The following LDLRAD4 variants were observed in gnomAD, a reference collection of about 807,000 sequenced individuals.
The protein encoded by LDLRAD4 is low density lipoprotein receptor class A domain containing 4.
In LDLRAD4, 5 loss-of-function variants were observed where a neutral mutation model predicts 17.0. That is an observed-to-expected ratio of 0.29 (90% CI 0.15 to 0.62). The LOEUF (loss-of-function observed/expected upper bound fraction) is 0.62, where lower values mean the gene tolerates loss of function less well. LDLRAD4 is among the 20% of genes least tolerant of loss of function. The pLI is 0.84. For synonymous variants in LDLRAD4, 168 were observed against 171.8 expected (o/e 0.98, Z 0.17); for missense variants, 340 against 424.7 (o/e 0.80, Z 1.75).
chr18:13,536,977 T>C (rs1316736691), intron 3 of LDLRAD4, among the ~76,000 whole-genome samples: 2 of 152,232 alleles, frequency 1.3e-5, no homozygotes, highest in Admixed American at 6.5e-5. Context: ...TAAATCCCAT[T>C]TGGCCATGAT....
intron 3 of LDLRAD4, among the ~76,000 whole-genome samples, chr18:13,481,894 C>G (rs560788874): frequency 2.0e-5 from 3 of 152,008 alleles, no homozygotes; most frequent in Non-Finnish European, 2.9e-5. Context: ...GTGGAGTTTG[C>G]TGGGCAGGAG....
chr18:13,269,454 G>T (rs919902350), intron 1 of LDLRAD4, among the ~76,000 whole-genome samples: 1 of 152,204 alleles, frequency 6.6e-6, no homozygotes, highest in Admixed American at 6.5e-5. Context: ...CTGAACTAGT[G>T]CTCTGATGAG....
rs886226694 is a variant in LDLRAD4 at position 13,257,919 on chromosome 18, A to T, written c.-466-20186A>T. 1.4e-4 allele frequency among the ~76,000 whole-genome samples: 21 copies of T among 152,306 alleles called. 1 individual carries two copies. In the South Asian group the frequency reaches 2.1e-3, roughly 15 times the overall value. On this transcript the variant is annotated intron_variant, in intron 1 of 5. Transcript: ENST00000399848. ...ATGGTAAAGATGAGAAAAGGATACAATGGGGCTGGGTGCAGTGGCTTAGGC... is the reference window on the plus strand; with the variant it reads ...ATGGTAAAGATGAGAAAAGGATACATTGGGGCTGGGTGCAGTGGCTTAGGC...
Position 13,645,705 on chromosome 18 carries a change from G to A in LDLRAD4, c.*48G>A. The A allele has an allele frequency of 7.0e-7, 1 of 1,437,144 alleles. No homozygotes were observed. The highest frequency in any genetic ancestry group is 1.5e-5 in the South Asian group (1 of 67,806). The allele number at this position is 1,437,144 out of a possible 1,614,324, so 89.0% of individuals were successfully genotyped here. The stretch of plus-strand genomic sequence containing the variant: ...CTGGAGAAAGAAACCAAGAAGGGAA[G>A]CGGCCGCTGGGCCCCTCCTGCGCAC... On this transcript the variant is annotated 3_prime_UTR_variant, in exon 6 of 6. Coordinates refer to ENST00000359446, the Ensembl canonical transcript of LDLRAD4. This position sits in a 1 kb window ranked among gnomAD's most constrained non-coding sequence, Gnocchi z 5.7.
chr18:13,288,200 A>G (rs570593108), intron 1 of LDLRAD4, among the ~76,000 whole-genome samples: 123 of 152,340 alleles, frequency 8.1e-4, no homozygotes, highest in Admixed American at 1.7e-3. Flanking sequence ...CTCTAGATAA[A>G]TGTGAGTTGA....
chr18:13,411,121 A>G (rs182764734), intron 2 of LDLRAD4, among the ~76,000 whole-genome samples: 1 of 152,212 alleles, frequency 6.6e-6, no homozygotes, highest in East Asian at 1.9e-4. Context: ...GTGTTGTGGC[A>G]TGCACCTGTA....
At position 13,341,256 on chromosome 18, in the gene LDLRAD4, AT is replaced by A. The variant is rs368318842; in HGVS notation, c.-382-46081del. On this transcript the variant is annotated intron_variant, in intron 1 of 5. Coordinates refer to ENST00000359446, the Ensembl canonical transcript of LDLRAD4. ...TATGAATTTTTGAATGGATTTTTCT[AT>A]TTTGCAAAAACCATTGTTGGAATTT... 3.6e-4 allele frequency among the ~76,000 whole-genome samples: 54 copies of A among 151,500 alleles called. No homozygotes were observed. In the East Asian group the frequency reaches 8.7e-3, roughly 24 times the overall value.
chr18:13,422,010 C>A (rs377155916), intron 2 of LDLRAD4, among the ~76,000 whole-genome samples: 1 of 152,234 alleles, frequency 6.6e-6, no homozygotes, highest in South Asian at 2.1e-4. Context: ...ACACCAGTTA[C>A]GGAACTCCCC....
intron 3 of LDLRAD4, among the ~76,000 whole-genome samples, chr18:13,599,636 G>A (rs1177224341): frequency 2.6e-5 from 4 of 151,734 alleles, no homozygotes; most frequent in South Asian, 2.1e-4. Context: ...GACTACAGGC[G>A]CCCGCCACCA....
At chr18:13,509,952 A>G (rs1485155333) in intron 3 of LDLRAD4, among the ~76,000 whole-genome samples, 3 of 152,210 alleles carry the variant, frequency 2.0e-5, no homozygotes, top group Non-Finnish European at 4.4e-5. Context: ...GATTTAAGGT[A>G]TGTACCTTTT....
chr18:13,637,502 G>A (rs948430832), intron 4 of LDLRAD4, among the ~76,000 whole-genome samples: 1 of 151,728 alleles, frequency 6.6e-6, no homozygotes. Context: ...CACCACCTTT[G>A]GAATACTGTT....
At chr18:13,420,602 G>A (rs370560139) in intron 2 of LDLRAD4, 3 of 152,332 alleles carry the variant, frequency 2.0e-5, no homozygotes, top group East Asian at 1.9e-4. Context: ...CATTTATTTT[G>A]TAGTGGAATC....
chr18:13,417,713 C>T (rs538813700), intron 2 of LDLRAD4, among the ~76,000 whole-genome samples: 21 of 152,314 alleles, frequency 1.4e-4, no homozygotes, highest in Admixed American at 5.9e-4. Flanking sequence ...GGATTACAGG[C>T]GTGAGCCACC....
In LDLRAD4 at chr18:13,458,784, A is replaced by G. The variant is rs140171580; in HGVS notation, c.181+20400A>G. 9.9e-3 allele frequency among the ~76,000 whole-genome samples: 1,511 copies of G among 152,348 alleles called. 26 individuals carry two copies. The highest frequency in any genetic ancestry group is 0.034 in the African/African-American group (1,434 of 41,570). On this transcript the variant is annotated intron_variant, in intron 3 of 5. Transcript: ENST00000359446. The stretch of plus-strand genomic sequence containing the variant: ...GCTGTGCTCAGAACCAGAGGTGACC[A>G]CCAAAGAGAGATCAGAGCCATGCCA...
chr18:13,382,025 G>A (rs547058099), intron 1 of LDLRAD4, among the ~76,000 whole-genome samples: 1 of 152,358 alleles, frequency 6.6e-6, no homozygotes, highest in East Asian at 1.9e-4. Flanking sequence ...TCGGCCCTGA[G>A]CGTCTGTGGG....
intron 1 of LDLRAD4, among the ~76,000 whole-genome samples, chr18:13,310,944 C>T (rs1015121377): frequency 2.0e-5 from 3 of 152,204 alleles, no homozygotes; most frequent in African/African-American, 4.8e-5. Context: ...ATCCCTGTTA[C>T]ATCCGCTAGC....
chr18:13,630,434 T>A (rs895834093), intron 4 of LDLRAD4, among the ~76,000 whole-genome samples: 1 of 152,092 alleles, frequency 6.6e-6, no homozygotes, highest in Non-Finnish European at 1.5e-5. Flanking sequence ...ACAGGGAAAA[T>A]TGATTTTATC....
At chr18:13,229,180 G>A (rs1170862780) in intron 1 of LDLRAD4, among the ~76,000 whole-genome samples, 2 of 152,222 alleles carry the variant, frequency 1.3e-5, no homozygotes, top group Non-Finnish European at 2.9e-5. Flanking sequence ...TGCATCATCC[G>A]TGGTGTCCTT....
intron 1 of LDLRAD4, among the ~76,000 whole-genome samples, chr18:13,231,476 T>A (rs1312486311): frequency 1.3e-5 from 2 of 152,100 alleles, no homozygotes; most frequent in Non-Finnish European, 2.9e-5. Flanking sequence ...CCCATCTTTG[T>A]CGAAAACCAA....
Sources: gnomAD v4.1 joint callset for allele counts (sites outside exome capture counted in the v4.1 genomes callset) on GRCh38, gnomAD v4.1.1 for gene constraint, Gnocchi (gnomAD v3.1) non-coding constraint, MANE v1.5 for transcripts, NCBI Gene and HGNC (gene_info 2026-07-23, HGNC 2026-07-21) for gene names.